BIN1: variants seen among roughly 807,000 people sequenced by gnomAD.
BIN1 encodes the protein myc box-dependent-interacting protein 1.
BIN1 carries 53 observed loss-of-function variants against 82.0 expected under a neutral mutation model. The ratio of observed to expected loss-of-function variants is 0.65; its 90% CI spans 0.52 to 0.81. The LOEUF (loss-of-function observed/expected upper bound fraction) is 0.81, where lower values mean the gene tolerates loss of function less well. Among genes scored for constraint, BIN1 ranks in the 40% least tolerant of loss-of-function variants. BIN1 has a pLI of 0.00. For missense variants in BIN1, 642 were observed against 784.4 expected (o/e 0.82, Z 2.17); for synonymous variants, 302 against 328.0 (o/e 0.92, Z 0.86).
intron 1 of BIN1, among the ~76,000 whole-genome samples, chr2:127,095,497 C>T (rs146783672): frequency 1.5e-4 from 23 of 152,352 alleles, no homozygotes; most frequent in Non-Finnish European, 2.5e-4. Context: ...AGGGGCCCCA[C>T]TCCCACCCCC....
intron 1 of BIN1, among the ~76,000 whole-genome samples, chr2:127,106,475 G>A (rs1384024806): frequency 6.6e-6 from 1 of 152,168 alleles, no homozygotes; most frequent in East Asian, 1.9e-4. Flanking sequence ...TGCCTGCATG[G>A]GCCTGGAGAG....
At chr2:127,050,995 G>C in intron 16 of BIN1, 83 bp from the exon 17 acceptor site, 1 of 1,517,720 alleles carries the variant, frequency 6.6e-7, no homozygotes, top group Non-Finnish European at 9.1e-7. Flanking sequence ...GGGCGGGGAG[G>C]GGAGAAAGGT....
chr2:127,083,941 G>A (rs948844232), intron 1 of BIN1, among the ~76,000 whole-genome samples: 5 of 152,218 alleles, frequency 3.3e-5, no homozygotes, highest in African/African-American at 7.2e-5. Flanking sequence ...AGGCTTGACC[G>A]CCGGGTCTGA....
intron 1 of BIN1, among the ~76,000 whole-genome samples, chr2:127,086,025 G>A (rs961793303): frequency 2.0e-5 from 3 of 152,192 alleles, no homozygotes; most frequent in African/African-American, 7.2e-5. Flanking sequence ...AGCTCACAGT[G>A]CAAAGCATGA....
At chr2:127,066,791 C>T (rs945719672) in intron 7 of BIN1, among the ~76,000 whole-genome samples, 1 of 152,222 alleles carries the variant, frequency 6.6e-6, no homozygotes, top group Non-Finnish European at 1.5e-5. Context: ...GACAGCCAGG[C>T]CAGGAGCAGT....
At chr2:127,060,470 C>G (rs1015117619) in intron 10 of BIN1, 2 of 1,409,328 alleles carry the variant, frequency 1.4e-6, no homozygotes, top group South Asian at 1.2e-5. Context: ...ACAGCCCTGC[C>G]GGGCAGCACT....
At chr2:127,105,507 C>T (rs1680976049) in intron 1 of BIN1, among the ~76,000 whole-genome samples, 2 of 149,866 alleles carry the variant, frequency 1.3e-5, no homozygotes, top group African/African-American at 2.5e-5. Flanking sequence ...TCCTCCTTCC[C>T]TGGGGTGGGG....
At chr2:127,052,450 A>C in intron 14 of BIN1, 88 bp from the exon 15 acceptor site, 2 of 1,277,988 alleles carry the variant, frequency 1.6e-6, no homozygotes, top group Non-Finnish European at 2.2e-6. Context: ...ACAAGAGAAA[A>C]TGTCACCAGC....
chr2:127,072,590 A>G (rs879610261), intron 2 of BIN1, among the ~76,000 whole-genome samples: 7 of 151,372 alleles, frequency 4.6e-5, no homozygotes, highest in East Asian at 3.9e-4. Context: ...AGAGCAGCAC[A>G]TAAGATGTAT....
chr2:127,070,064 G>T lies in BIN1; in HGVS notation c.342C>A (p.Tyr114Ter). 1 of 1,614,108 alleles carries T rather than the reference G, an allele frequency of 6.2e-7. No homozygotes were observed. Among genetic ancestry groups the T allele is most frequent in the Non-Finnish European group, 8.5e-7 (1 of 1,179,994 alleles). The change falls in exon 5 of 19, where the codon TAC (tyrosine) becomes TAA (stop). Residue 114 changes from tyrosine to a stop codon, truncating the protein, a stop_gained. Coordinates refer to ENST00000316724, the MANE Select transcript of BIN1 (RefSeq NM_139343.3). LOFTEE classifies it high-confidence loss of function. ...AENNDLLWMD[Y>*]HQKLVDQALL... is the part of the protein sequence containing the mutation. ...GCGCCTGGTCCACCAGCTTCTGGTG[G>T]TAATCCATCCACAGCAGGTCGTTGT...
intron 2 of BIN1, among the ~76,000 whole-genome samples, chr2:127,074,157 G>C (rs184040747): frequency 6.6e-6 from 1 of 152,056 alleles, no homozygotes; most frequent in Non-Finnish European, 1.5e-5. Context: ...GCAAGAAAAA[G>C]CTCCACCTCC....
chr2:127,094,672 G>A (rs537825598), intron 1 of BIN1, among the ~76,000 whole-genome samples: 4 of 152,364 alleles, frequency 2.6e-5, no homozygotes, highest in East Asian at 3.9e-4. Context: ...AGGGTGACCC[G>A]CAAGTGCAGT....
Position 127,068,283 on chromosome 2 carries a change from A to G in BIN1, c.520-28T>C. The G allele has an allele frequency of 6.3e-7, 1 of 1,579,142 alleles. No homozygotes were observed. Among genetic ancestry groups the G allele is most frequent in the Non-Finnish European group, 8.7e-7 (1 of 1,155,246 alleles). Reference sequence around the variant, plus strand: ...GGGGTGGGGAGGTCAAGGCAAAGGAAGGTGGAGAGACCAGGGAGGTGGGGA... The same window carrying G: ...GGGGTGGGGAGGTCAAGGCAAAGGAGGGTGGAGAGACCAGGGAGGTGGGGA... On this transcript the variant is annotated intron_variant, in intron 6 of 18. Coordinates refer to ENST00000316724, the MANE Select transcript of BIN1 (RefSeq NM_139343.3). This position sits in a 1 kb window ranked among gnomAD's most constrained non-coding sequence, Gnocchi z 4.9.
intron 1 of BIN1, among the ~76,000 whole-genome samples, chr2:127,098,158 G>A (rs945531235): frequency 1.3e-5 from 2 of 152,218 alleles, no homozygotes; most frequent in African/African-American, 2.4e-5. Flanking sequence ...CAGGCTCCTC[G>A]GGGGACTTCA....
Position 127,059,796 on chromosome 2 carries a change from A to T in BIN1, c.858-641T>A, listed in dbSNP as rs1441550498. Among the ~76,000 whole-genome samples, 1 of 152,144 alleles carries T rather than the reference A, an allele frequency of 6.6e-6. No individual in the cohort carries two copies. Among genetic ancestry groups the T allele is most frequent in the Admixed American group, 6.5e-5 (1 of 15,272 alleles). ...GGACAGGTCCTGAGCCATGGCGTTC[A>T]GTGCCAGAACCCAAGGCGGAGGTGG... On this transcript the variant is annotated intron_variant, in intron 10 of 18. Coordinates refer to ENST00000316724, the MANE Select transcript of BIN1 (RefSeq NM_139343.3). The surrounding 1 kb of genome is among the most constrained non-coding windows in gnomAD (Gnocchi z 6.7).
intron 7 of BIN1, 25 bp from the exon 8 acceptor site, chr2:127,064,043 C>T (rs771438242): frequency 6.2e-7 from 1 of 1,613,562 alleles, no homozygotes; most frequent in Non-Finnish European, 8.5e-7. Flanking sequence ...GGGTCATTCC[C>T]CTCTGTTGGG....
At chr2:127,051,384 T>G in intron 15 of BIN1, 141 bp from the exon 16 acceptor site, 2 of 837,876 alleles carry the variant, frequency 2.4e-6, no homozygotes, top group South Asian at 1.4e-5. Flanking sequence ...AGCTGCCCAG[T>G]GCCTCGAAGA....
intron 1 of BIN1, chr2:127,081,756 C>T: frequency 7.9e-7 from 1 of 1,269,214 alleles, no homozygotes; most frequent in Admixed American, 2.4e-5. Context: ...GGAAGGGGGA[C>T]CTCATCCAGC....
At chr2:127,081,990 G>A (rs758486706) in intron 1 of BIN1, 4 of 942,588 alleles carry the variant, frequency 4.2e-6, no homozygotes, top group Non-Finnish European at 5.7e-6. Flanking sequence ...GGCTCCCCAG[G>A]CAGGCAGACA....
Sources: allele counts gnomAD v4.1 joint callset (sites outside exome capture counted in the v4.1 genomes callset), GRCh38; gene constraint gnomAD v4.1.1; non-coding constraint Gnocchi (gnomAD v3.1); transcripts MANE v1.5; gene names NCBI Gene and HGNC (gene_info 2026-07-23, HGNC 2026-07-21).